The following CNTNAP5 variants were observed in gnomAD, a reference collection of about 807,000 sequenced individuals.
CNTNAP5 encodes the protein contactin-associated protein-like 5.
A neutral mutation model predicts 150.2 loss-of-function variants in CNTNAP5; 72 were observed. The ratio of observed to expected loss-of-function variants is 0.48; its 90% CI spans 0.40 to 0.58. CNTNAP5 has a LOEUF of 0.58. Among genes scored for constraint, CNTNAP5 ranks in the 20% least tolerant of loss-of-function variants. The probability of loss-of-function intolerance (pLI) is 0.00; values close to 1 mark genes in which losing one functional copy is unlikely to be tolerated. For missense variants in CNTNAP5, 1,636 were observed against 1,626.2 expected (o/e 1.01, Z -0.10); for synonymous variants, 672 against 619.8 (o/e 1.08, Z -1.25).
At chr2:124,655,999 A>AAAGAAGGAAGG (rs1317556643) in intron 13 of CNTNAP5, among the ~76,000 whole-genome samples, 127 of 90,548 alleles carry the variant, frequency 1.4e-3, no homozygotes, top group Non-Finnish European at 1.8e-3. Context: ...AAGAAAGAAA[A>AAAGAAGGAAGG]AAGGAAGGAA....
chr2:124,372,998 A>G (rs1473744525), intron 3 of CNTNAP5, among the ~76,000 whole-genome samples: 1 of 152,092 alleles, frequency 6.6e-6, no homozygotes, highest in South Asian at 2.1e-4. Context: ...GACAAAGATG[A>G]CAAAAATTAT....
intron 18 of CNTNAP5, among the ~76,000 whole-genome samples, chr2:124,793,238 G>A (rs996570467): frequency 6.6e-5 from 10 of 152,140 alleles, no homozygotes; most frequent in Non-Finnish European, 8.8e-5. Flanking sequence ...TACTGAATAT[G>A]AAATGCTATC....
rs962987755 is a variant in CNTNAP5 at position 124,691,437 on chromosome 2, G to A, written c.2077+43479G>A. On this transcript the variant is annotated intron_variant, in intron 13 of 23. Coordinates refer to ENST00000682447, the MANE Select transcript of CNTNAP5 (RefSeq NM_001367498.1). ...CTAGTTTCTATGCCTAGCCTTAGGG[G>A]AGAATAAGAGGCCAGAAACAGCAGG... is the stretch of plus-strand genomic sequence containing the variant. 3.3e-5 allele frequency among the ~76,000 whole-genome samples: 5 copies of A among 152,098 alleles called. No individual in the cohort carries two copies. In the South Asian group the frequency reaches 1.0e-3, roughly 31 times the overall value.
rs1297415521 is a variant in CNTNAP5 at position 124,917,682 on chromosome 2, T to C, written c.*3394T>C. Among the ~76,000 whole-genome samples, 1 of 152,058 alleles carries C rather than the reference T, an allele frequency of 6.6e-6. No homozygotes were observed. Among genetic ancestry groups the C allele is most frequent in the African/African-American group, 2.4e-5 (1 of 41,436 alleles). ...AGGATAGAACAAAATAAAGAGATTG[T>C]TTTTCTTTTTTCATTCATGAAGTAT... On this transcript the variant is annotated 3_prime_UTR_variant, in exon 24 of 24. Transcript: ENST00000682447.
chr2:124,641,186 G>A (rs1186651070), intron 12 of CNTNAP5, among the ~76,000 whole-genome samples: 1 of 150,044 alleles, frequency 6.7e-6, no homozygotes, highest in Non-Finnish European at 1.5e-5. Flanking sequence ...CTCAGAGCCA[G>A]CACCACGCTC....
intron 13 of CNTNAP5, among the ~76,000 whole-genome samples, chr2:124,696,156 C>A (rs1573553552): frequency 6.6e-6 from 1 of 152,184 alleles, no homozygotes; most frequent in South Asian, 2.1e-4. Context: ...AGGATCCAGA[C>A]AATGATGGCT....
At chr2:124,314,979 A>G (rs1573910483) in intron 3 of CNTNAP5, among the ~76,000 whole-genome samples, 1 of 143,912 alleles carries the variant, frequency 6.9e-6, no homozygotes, top group South Asian at 2.2e-4. Flanking sequence ...TACATCAAAC[A>G]AACAAGCCTT....
intron 3 of CNTNAP5, among the ~76,000 whole-genome samples, chr2:124,362,727 CCTT>C (rs1285276804): frequency 1.3e-5 from 2 of 152,180 alleles, no homozygotes; most frequent in Non-Finnish European, 2.9e-5. Context: ...TCAGATTTGA[CCTT>C]CTTGAGATTG....
At chr2:124,730,825 G>C (rs974559907) in intron 13 of CNTNAP5, among the ~76,000 whole-genome samples, 15 of 152,000 alleles carry the variant, frequency 9.9e-5, no homozygotes, top group Admixed American at 7.2e-4. Context: ...TTTATTTTTT[G>C]TTATATACCC....
chr2:124,524,244 C>G, intron 8 of CNTNAP5, 59 bp from the exon 9 acceptor site: 2 of 1,575,502 alleles, frequency 1.3e-6, no homozygotes, highest in African/African-American at 1.3e-5. Flanking sequence ...AATGAGCCCC[C>G]TCTCTCTAAG....
At chr2:124,045,015 T>C (rs1681489450) in intron 1 of CNTNAP5, among the ~76,000 whole-genome samples, 1 of 151,842 alleles carries the variant, frequency 6.6e-6, no homozygotes, top group South Asian at 2.1e-4. Context: ...TCTTAAAAAA[T>C]ACAAATATGT....
intron 1 of CNTNAP5, among the ~76,000 whole-genome samples, chr2:124,084,264 T>C (rs1258855541): frequency 6.6e-6 from 1 of 151,918 alleles, no homozygotes; most frequent in Admixed American, 6.6e-5. Flanking sequence ...GAAGTCATTT[T>C]GTAGAGGTTT....
chr2:124,366,739 C>A (rs1690381972), intron 3 of CNTNAP5, among the ~76,000 whole-genome samples: 1 of 152,208 alleles, frequency 6.6e-6, no homozygotes, highest in African/African-American at 2.4e-5. Flanking sequence ...TCAATCATCT[C>A]ATGGGAAGCT....
intron 13 of CNTNAP5, among the ~76,000 whole-genome samples, chr2:124,724,175 A>AATAATGATG (rs539558593): frequency 2.0e-5 from 3 of 149,632 alleles, no homozygotes; most frequent in Admixed American, 1.3e-4. Context: ...TAATAATAAT[A>AATAATGATG]ATGATGATAC....
chr2:124,665,392 T>C (rs17320899), intron 13 of CNTNAP5, among the ~76,000 whole-genome samples: 20,304 of 152,288 alleles, frequency 0.13, 1,628 homozygotes, highest in Non-Finnish European at 0.18. Flanking sequence ...AAATTAGCTT[T>C]ACTATTTAGT....
At chr2:124,625,743 G>A (rs1677708289) in intron 12 of CNTNAP5, among the ~76,000 whole-genome samples, 1 of 152,300 alleles carries the variant, frequency 6.6e-6, no homozygotes, top group East Asian at 1.9e-4. Flanking sequence ...GGGATTGGGA[G>A]ACAGTCCAGT....
intron 3 of CNTNAP5, among the ~76,000 whole-genome samples, chr2:124,372,687 G>C (rs1438933155): frequency 4.6e-5 from 7 of 151,968 alleles, no homozygotes; most frequent in Non-Finnish European, 8.8e-5. Flanking sequence ...CAGCCCTTAA[G>C]CTTTTTTTAC....
intron 1 of CNTNAP5, among the ~76,000 whole-genome samples, chr2:124,082,212 G>T (rs1682573429): frequency 6.6e-6 from 1 of 151,998 alleles, no homozygotes; most frequent in Admixed American, 6.6e-5. Flanking sequence ...AGCCAGGCGT[G>T]GTGGCAGGCG....
chr2:124,882,970 C>A (rs546924021), intron 21 of CNTNAP5, among the ~76,000 whole-genome samples: 1 of 151,998 alleles, frequency 6.6e-6, no homozygotes, highest in East Asian at 1.9e-4. Context: ...TGATTCAATT[C>A]TCTCCCTCCC....
Sources: gnomAD v4.1 joint callset for allele counts (sites outside exome capture counted in the v4.1 genomes callset) on GRCh38, gnomAD v4.1.1 for gene constraint, MANE v1.5 for transcripts, NCBI Gene and HGNC (gene_info 2026-07-23, HGNC 2026-07-21) for gene names.